Variants in FMN2 observed in about 807,000 individuals in gnomAD.
FMN2 encodes formin-2.
FMN2 carries 51 observed loss-of-function variants against 142.3 expected under a neutral mutation model. That is an observed-to-expected ratio of 0.36 (90% confidence interval 0.29 to 0.45). FMN2 has a LOEUF of 0.45. FMN2 is among the 20% of genes least tolerant of loss of function. The pLI, the probability that FMN2 is intolerant of heterozygous loss-of-function variation, is 1.00. For missense variants in FMN2, 1,936 were observed against 2,122.8 expected, an observed-to-expected ratio of 0.91 and a Z score of 1.73; for synonymous variants, 882 against 869.8, an observed-to-expected ratio of 1.01 and a Z score of -0.25.
intron 13 of FMN2, among the ~76,000 whole-genome samples, chr1:240,341,165 T>C (rs1481384033): frequency 1.3e-5 from 2 of 152,228 alleles, no homozygotes; most frequent in Non-Finnish European, 2.9e-5. Context: ...ATAATAATTC[T>C]TGTTTCCAAG....
Position 240,153,385 on chromosome 1 carries a change from G to GTTTTT in FMN2, c.1783-24521_1783-24517dup, listed in dbSNP as rs58725251. Reference sequence around the variant, plus strand: ...ACCCATTGAGCTGGTTGTATTTACAGTTTTTTTTTTTTTTTTTTTGACAGG... The same window carrying GTTTTT: ...ACCCATTGAGCTGGTTGTATTTACAGTTTTTTTTTTTTTTTTTTTTTTTTGACAGG... On this transcript the variant is annotated intron_variant, in intron 2 of 17. Transcript: ENST00000319653. 5.6e-5 allele frequency among the ~76,000 whole-genome samples: 7 copies of GTTTTT among 124,324 alleles called. 1 individual carries two copies. The highest frequency in any genetic ancestry group is 6.5e-5 in the Non-Finnish European group (4 of 61,354). 81.6% of individuals were successfully genotyped at this position (124,324 alleles called of 152,430 possible).
chr1:240,204,001 G>A (rs1209012105), intron 4 of FMN2, among the ~76,000 whole-genome samples: 1 of 152,062 alleles, frequency 6.6e-6, no homozygotes, highest in African/African-American at 2.4e-5. Flanking sequence ...AGGGGAGAGT[G>A]TGTATGTGTG....
intron 15 of FMN2, among the ~76,000 whole-genome samples, chr1:240,408,933 G>A (rs1674302730): frequency 6.6e-6 from 1 of 152,130 alleles, no homozygotes; most frequent in Non-Finnish European, 1.5e-5. Context: ...TTCTGTTGTT[G>A]TGAGTGTTTT....
At chr1:240,114,453 C>G (rs1661939578) in intron 1 of FMN2, among the ~76,000 whole-genome samples, 1 of 152,106 alleles carries the variant, frequency 6.6e-6, no homozygotes, top group South Asian at 2.1e-4. Context: ...TCACCCCCAG[C>G]AGGGGCCCAC....
At chr1:240,438,791 T>C (rs755571785) in intron 16 of FMN2, among the ~76,000 whole-genome samples, 2 of 152,204 alleles carry the variant, frequency 1.3e-5, no homozygotes, top group Admixed American at 6.5e-5. Flanking sequence ...TGAAATTCCA[T>C]AGAGGCATAT....
At chr1:240,264,878 ATAT>A (rs1390708818) in intron 7 of FMN2, among the ~76,000 whole-genome samples, 1 of 152,008 alleles carries the variant, frequency 6.6e-6, no homozygotes, top group Non-Finnish European at 1.5e-5. Context: ...CTTCCCTCTG[ATAT>A]TATTGGTGAT....
At chr1:240,406,764 A>AT (rs1674216456) in intron 15 of FMN2, among the ~76,000 whole-genome samples, 1 of 152,156 alleles carries the variant, frequency 6.6e-6, no homozygotes, top group South Asian at 2.1e-4. Flanking sequence ...CTCATGAAGG[A>AT]TACCAGCTCC....
intron 2 of FMN2, among the ~76,000 whole-genome samples, chr1:240,134,631 A>T (rs867259424): frequency 6.6e-5 from 10 of 152,104 alleles, no homozygotes; most frequent in Non-Finnish European, 1.5e-4. Context: ...CAAAAAACAA[A>T]CAAAAACAAC....
intron 6 of FMN2, among the ~76,000 whole-genome samples, chr1:240,228,365 G>C (rs1667417607): frequency 7.7e-6 from 1 of 129,400 alleles, no homozygotes; most frequent in African/African-American, 2.8e-5. Flanking sequence ...GAAAAAAAAT[G>C]GGCAAAAGGT....
At position 240,294,949 on chromosome 1, in the gene FMN2, A is replaced by G. The variant is rs533228691; in HGVS notation, c.4215+66A>G. 3.4e-5 allele frequency: 48 copies of G among 1,400,956 alleles called. No homozygotes were observed. The African/African-American group carries it at 6.1e-4, about 18-fold the overall frequency. The allele number at this position is 1,400,956 out of a possible 1,614,324, so 86.8% of individuals were successfully genotyped here. A position where few individuals can be genotyped will look rare whatever the true frequency, so the allele number is the denominator to read the frequency against. ...GTACACAGTACATGTCTATGTGCAC[A>G]TATAGGCTCTTTGTTTTAAGGTCCT... On this transcript the variant is annotated intron_variant, in intron 8 of 17. Coordinates refer to ENST00000319653, the MANE Select transcript of FMN2 (RefSeq NM_020066.5).
At chr1:240,149,682 T>C (rs1663680107) in intron 2 of FMN2, among the ~76,000 whole-genome samples, 1 of 152,220 alleles carries the variant, frequency 6.6e-6, no homozygotes, top group Non-Finnish European at 1.5e-5. Context: ...CTCTGCCCTC[T>C]GCTGGTCATT....
intron 8 of FMN2, among the ~76,000 whole-genome samples, chr1:240,323,762 C>T (rs570773235): frequency 6.6e-6 from 1 of 152,212 alleles, no homozygotes; most frequent in African/African-American, 2.4e-5. Context: ...TCTCCTCATC[C>T]TCCTTCCTGT....
intron 15 of FMN2, among the ~76,000 whole-genome samples, chr1:240,395,386 C>A (rs1673741075): frequency 6.6e-6 from 1 of 152,106 alleles, no homozygotes; most frequent in South Asian, 2.1e-4. Flanking sequence ...TTTTGACTTT[C>A]AAGTCTTATT....
chr1:240,095,525 G>A (rs138283526), intron 1 of FMN2, among the ~76,000 whole-genome samples: 1 of 152,128 alleles, frequency 6.6e-6, no homozygotes, highest in Admixed American at 6.6e-5. Context: ...CCTTTCTAAG[G>A]CTCGCTGACT....
chr1:240,200,945 A>G (rs753691697), intron 4 of FMN2, among the ~76,000 whole-genome samples: 7 of 152,152 alleles, frequency 4.6e-5, no homozygotes, highest in Non-Finnish European at 8.8e-5. Flanking sequence ...TAGCATTGCT[A>G]TATTTATTAA....
intron 4 of FMN2, among the ~76,000 whole-genome samples, chr1:240,198,759 CAT>C (rs1177195379): frequency 6.6e-6 from 1 of 152,076 alleles, no homozygotes; most frequent in Non-Finnish European, 1.5e-5. Flanking sequence ...CAGATGTTAA[CAT>C]ATTATAAACT....
At chr1:240,449,957 C>T (rs953611) in intron 16 of FMN2, among the ~76,000 whole-genome samples, 27,886 of 151,926 alleles carry the variant, frequency 0.18, 2,785 homozygotes, top group African/African-American at 0.23. Flanking sequence ...TTTAAGTGTA[C>T]AATACATATT....
chr1:240,294,714 A>G, intron 7 of FMN2, 108 bp from the exon 8 acceptor site: 1 of 934,154 alleles, frequency 1.1e-6, no homozygotes, highest in Non-Finnish European at 1.7e-6. Context: ...TTGAAGTTAA[A>G]GCCCCTGCTC....
At chr1:240,296,048 A>T (rs1217178122) in intron 8 of FMN2, among the ~76,000 whole-genome samples, 2 of 152,176 alleles carry the variant, frequency 1.3e-5, no homozygotes, top group African/African-American at 4.8e-5. Context: ...TTACATGAGG[A>T]AAGTTAGAGA....
Sources: allele counts gnomAD v4.1 joint callset (sites outside exome capture counted in the v4.1 genomes callset), GRCh38; gene constraint gnomAD v4.1.1; transcripts MANE v1.5; gene names NCBI Gene and HGNC (gene_info 2026-07-23, HGNC 2026-07-21).